The following GXYLT2 variants were observed in gnomAD, a reference collection of about 807,000 sequenced individuals.
The protein encoded by GXYLT2 is glycosyltransferase 8 domain containing 4.
In GXYLT2, 53 loss-of-function variants were observed where a neutral mutation model predicts 45.8. The observed-to-expected ratio is 1.16, with a 90% confidence interval of 0.93 to 1.46. The LOEUF is 1.46. Among genes scored for constraint, GXYLT2 ranks in the 40% most tolerant of loss-of-function variants. GXYLT2 has a pLI of 0.00. For missense variants in GXYLT2, 551 were observed against 544.4 expected (o/e 1.01, Z -0.12); for synonymous variants, 219 against 214.2 (o/e 1.02, Z -0.19).
intron 3 of GXYLT2, chr3:72,929,022 G>T (rs1367706928): frequency 9.1e-6 from 13 of 1,424,792 alleles, no homozygotes; most frequent in African/African-American, 2.8e-5. Flanking sequence ...AGCCACCGCC[G>T]CCTCTCCTTA....
At chr3:72,901,488 T>C (rs554487512) in intron 1 of GXYLT2, among the ~76,000 whole-genome samples, 35 of 150,684 alleles carry the variant, frequency 2.3e-4, no homozygotes, top group African/African-American at 8.3e-4. Context: ...AAGTATACTA[T>C]TCCATCGTTT....
At chr3:72,896,554 G>A (rs1709294642) in intron 1 of GXYLT2, among the ~76,000 whole-genome samples, 1 of 152,092 alleles carries the variant, frequency 6.6e-6, no homozygotes, top group Non-Finnish European at 1.5e-5. Context: ...CTCATTAAAA[G>A]CTGAAGGAGT....
intron 1 of GXYLT2, among the ~76,000 whole-genome samples, chr3:72,893,078 C>T (rs549044780): frequency 1.3e-5 from 2 of 152,148 alleles, no homozygotes; most frequent in Non-Finnish European, 2.9e-5. Flanking sequence ...ATTTTCCTTA[C>T]GGCCGCTTCA....
intron 2 of GXYLT2, among the ~76,000 whole-genome samples, chr3:72,913,971 G>T (rs1337556958): frequency 6.6e-6 from 1 of 152,134 alleles, no homozygotes; most frequent in East Asian, 1.9e-4. Flanking sequence ...ACTTTGTTAG[G>T]TCTAAAGAAA....
intron 2 of GXYLT2, among the ~76,000 whole-genome samples, chr3:72,912,015 T>TATA (rs1559731120): frequency 7.7e-5 from 9 of 116,134 alleles, no homozygotes; most frequent in South Asian, 5.7e-4. Flanking sequence ...ATATATATAT[T>TATA]TTTTTTTTTT....
chr3:72,974,091 A>G (rs866059617), intron 6 of GXYLT2, among the ~76,000 whole-genome samples: 13 of 152,154 alleles, frequency 8.5e-5, no homozygotes, highest in African/African-American at 2.9e-4. Flanking sequence ...GTCTTTCCAT[A>G]TAAAATGTCC....
At chr3:72,969,078 AAAG>A (rs974569987) in intron 6 of GXYLT2, among the ~76,000 whole-genome samples, 1 of 151,934 alleles carries the variant, frequency 6.6e-6, no homozygotes, top group Non-Finnish European at 1.5e-5. Flanking sequence ...CTCAAAAAAA[AAAG>A]AAGGTTCTTG....
chr3:72,952,107 A>G (rs1294363044), intron 3 of GXYLT2, among the ~76,000 whole-genome samples: 2 of 151,628 alleles, frequency 1.3e-5, no homozygotes, highest in East Asian at 3.9e-4. Flanking sequence ...GGCTCAAGCA[A>G]TTCTTGTACC....
intron 1 of GXYLT2, among the ~76,000 whole-genome samples, chr3:72,903,794 A>C (rs772674117): frequency 6.6e-6 from 1 of 152,220 alleles, no homozygotes; most frequent in Non-Finnish European, 1.5e-5. Flanking sequence ...AGGCAGGAAG[A>C]GTCAAAGTTG....
In GXYLT2 at chr3:72,906,000, C is replaced by T. The variant is rs566672530; in HGVS notation, c.276-2367C>T. 3.3e-5 allele frequency among the ~76,000 whole-genome samples: 5 copies of T among 152,178 alleles called. No individual in the cohort carries two copies. The South Asian group carries it at 1.0e-3, about 32-fold the overall frequency. On this transcript the variant is annotated intron_variant, in intron 1 of 6. Transcript: ENST00000389617. ...CATATTTAAGATATCTAAGTGATTG[C>T]CTTTATGGTGTTAGTCCATTTGAAT...
At chr3:72,941,929 C>T (rs1710309388) in intron 3 of GXYLT2, among the ~76,000 whole-genome samples, 1 of 152,072 alleles carries the variant, frequency 6.6e-6, no homozygotes, top group Admixed American at 6.6e-5. Flanking sequence ...CACCTAGCAC[C>T]TAGATATTGG....
chr3:72,973,483 A>C (rs1478454605), intron 6 of GXYLT2, among the ~76,000 whole-genome samples: 3 of 152,208 alleles, frequency 2.0e-5, no homozygotes, highest in Admixed American at 2.0e-4. Context: ...CCCCTTCGGG[A>C]AAGTGATAGG....
chr3:72,888,066 CT>C lies in GXYLT2; in HGVS notation c.-166del, dbSNP rs1394542593. 9.1e-6 allele frequency: 2 copies of C among 220,012 alleles called. No individual in the cohort carries two copies. The highest frequency in any genetic ancestry group is 1.5e-5 in the Non-Finnish European group (2 of 131,414). 13.6% of individuals were successfully genotyped at this position (220,012 alleles called of 1,614,324 possible). On this transcript the variant is annotated 5_prime_UTR_variant, in exon 1 of 7. Coordinates refer to ENST00000389617, the MANE Select transcript of GXYLT2 (RefSeq NM_001080393.2). Reference sequence around the variant, plus strand: ...CCCTCCTCTCCTCTCTCTCCTCCTCCTTCGCCGTCGCCGCCGCCGCCGGCCG... The same window carrying C: ...CCCTCCTCTCCTCTCTCTCCTCCTCCTCGCCGTCGCCGCCGCCGCCGGCCG...
At position 72,898,384 on chromosome 3, in the gene GXYLT2, C is replaced by A. The variant is rs114089333; in HGVS notation, c.275+9876C>A. Among the ~76,000 whole-genome samples the A allele has an allele frequency of 1.1e-3, 172 of 152,134 alleles. 3 individuals carry two copies. In the South Asian group the frequency reaches 0.03, roughly 27 times the overall value. On this transcript the variant is annotated intron_variant, in intron 1 of 6. Coordinates refer to ENST00000389617, the MANE Select transcript of GXYLT2 (RefSeq NM_001080393.2). ...TCAACAGCCATTTATTTCAAACTAG[C>A]GCTGCAGATTCATATTTTAAAATCT...
At position 72,888,107 on chromosome 3, in the gene GXYLT2, C is replaced by A. The variant is rs1224191590; in HGVS notation, c.-127C>A. On this transcript the variant is annotated 5_prime_UTR_variant, in exon 1 of 7. Coordinates refer to ENST00000389617, the MANE Select transcript of GXYLT2 (RefSeq NM_001080393.2). ...GCCGCCGGCCGCCCGCCGGCCGCCA[C>A]GACCCCAGTCCCCGGCGGGCGGGCG... 15 of 558,062 alleles carry A rather than the reference C, an allele frequency of 2.7e-5. No homozygotes were observed. The South Asian group carries it at 7.4e-4, about 28-fold the overall frequency. The allele number at this position is 558,062 out of a possible 1,614,324, so 34.6% of individuals were successfully genotyped here.
intron 5 of GXYLT2, among the ~76,000 whole-genome samples, chr3:72,961,130 T>C (rs1017451751): frequency 2.0e-5 from 3 of 152,130 alleles, no homozygotes; most frequent in African/African-American, 7.2e-5. Flanking sequence ...CGTGGGGGCT[T>C]TCAGGACAGT....
chr3:72,890,888 G>A (rs907134448), intron 1 of GXYLT2, among the ~76,000 whole-genome samples: 6 of 152,242 alleles, frequency 3.9e-5, no homozygotes, highest in African/African-American at 1.2e-4. Flanking sequence ...TTTTAAAACT[G>A]GGGAAGGAGT....
At chr3:72,911,327 A>C (rs1166987364) in intron 2 of GXYLT2, among the ~76,000 whole-genome samples, 6 of 152,126 alleles carry the variant, frequency 3.9e-5, no homozygotes, top group Non-Finnish European at 8.8e-5. Context: ...GAAGATGTAT[A>C]CGTGCAACCA....
intron 3 of GXYLT2, among the ~76,000 whole-genome samples, chr3:72,952,229 C>G (rs7612764): frequency 5.3e-5 from 8 of 151,986 alleles, no homozygotes; most frequent in African/African-American, 1.9e-4. Flanking sequence ...TCTCAAACTC[C>G]TGACCTAAAG....
Sources: gnomAD v4.1 joint callset for allele counts (sites outside exome capture counted in the v4.1 genomes callset) on GRCh38, gnomAD v4.1.1 for gene constraint, MANE v1.5 for transcripts, NCBI Gene and HGNC (gene_info 2026-07-23, HGNC 2026-07-21) for gene names.